Variants in TENM2 observed in about 807,000 individuals in gnomAD.
The protein encoded by TENM2 is teneurin transmembrane protein 2.
TENM2 carries 52 observed loss-of-function variants against 245.2 expected under a neutral mutation model. The observed-to-expected ratio is 0.21, with a 90% CI of 0.17 to 0.27. TENM2 has a LOEUF of 0.27. Among genes scored for constraint, TENM2 ranks in the 10% least tolerant of loss-of-function variants. TENM2 has a pLI of 1.00. For synonymous variants in TENM2, 1,363 were observed against 1,438.9 expected, an observed-to-expected ratio of 0.95 and a Z score of 1.19; for missense variants, 3,046 against 3,666.8, an observed-to-expected ratio of 0.83 and a Z score of 4.37.
chr5:167,534,663 T>C (rs1300707115), intron 2 of TENM2, among the ~76,000 whole-genome samples: 1 of 152,168 alleles, frequency 6.6e-6, no homozygotes, highest in African/African-American at 2.4e-5. Flanking sequence ...AGTGACAAGA[T>C]AAAATAATTC....
At chr5:167,907,057 AC>A (rs1364328756) in intron 3 of TENM2, among the ~76,000 whole-genome samples, 2 of 151,518 alleles carry the variant, frequency 1.3e-5, no homozygotes, top group Admixed American at 1.3e-4. Context: ...ACATGAAGAA[AC>A]CCCATCTCTA....
At chr5:167,329,106 TTA>T (rs1409176572) in intron 1 of TENM2, among the ~76,000 whole-genome samples, 1 of 152,136 alleles carries the variant, frequency 6.6e-6, no homozygotes, top group Non-Finnish European at 1.5e-5. Flanking sequence ...AGTTGTTGAG[TTA>T]TTGGCTTCAT....
At chr5:167,682,150 C>G (rs1417704809) in intron 2 of TENM2, among the ~76,000 whole-genome samples, 1 of 140,528 alleles carries the variant, frequency 7.1e-6, no homozygotes, top group Non-Finnish European at 1.6e-5. Context: ...GCCTGCGTTC[C>G]TTCCTTCCTT....
At chr5:167,337,401 A>G (rs1354720170) in intron 1 of TENM2, among the ~76,000 whole-genome samples, 2 of 152,194 alleles carry the variant, frequency 1.3e-5, no homozygotes, top group African/African-American at 4.8e-5. Flanking sequence ...CAAGAAGTAT[A>G]TAGTAACTAT....
intron 5 of TENM2, among the ~76,000 whole-genome samples, chr5:168,021,986 A>G (rs1241295574): frequency 6.6e-6 from 1 of 152,188 alleles, no homozygotes; most frequent in East Asian, 1.9e-4. Context: ...ACTGTCATCA[A>G]CTGCATTTTG....
chr5:168,248,355 G>A, exon 27 of TENM2: 2 of 1,612,758 alleles, frequency 1.2e-6, no homozygotes, highest in Non-Finnish European at 1.7e-6. Context: ...AGCTAGATTT[G>A]AAGAACTACG....
At chr5:167,929,199 A>G (rs1051106891) in intron 3 of TENM2, among the ~76,000 whole-genome samples, 1 of 148,936 alleles carries the variant, frequency 6.7e-6, no homozygotes, top group East Asian at 2.1e-4. Flanking sequence ...GGAAGGAAGG[A>G]AGGAAAAGGG....
intron 2 of TENM2, chr5:167,755,279 T>C: frequency 1.0e-6 from 1 of 964,848 alleles, no homozygotes; most frequent in Non-Finnish European, 1.6e-6. Context: ...CTTTAACCCT[T>C]CAGCGGATAC....
rs996601556 is a variant in TENM2 at position 168,244,191 on chromosome 5, C to T, written c.5521-229C>T. Among the ~76,000 whole-genome samples, 17 of 152,182 alleles carry T rather than the reference C, an allele frequency of 1.1e-4. No individual in the cohort carries two copies. Among genetic ancestry groups the T allele is most frequent in the Admixed American group, 3.9e-4 (6 of 15,278 alleles). ...ACCTCAGGTGATCCACCCACTTCAG[C>T]CTCCCACAGTGCTAGGATTACAGGC... On this transcript the variant is annotated intron_variant, in intron 25 of 28. Transcript: ENST00000518659. This position sits in a 1 kb window ranked among gnomAD's most constrained non-coding sequence, Gnocchi z 4.9.
chr5:167,514,065 G>A (rs1036604353), intron 2 of TENM2, among the ~76,000 whole-genome samples: 1 of 152,172 alleles, frequency 6.6e-6, no homozygotes, highest in Non-Finnish European at 1.5e-5. Flanking sequence ...TAGAAAGCAC[G>A]CAGTACAAAG....
chr5:167,597,368 T>C (rs1013635441), intron 2 of TENM2, among the ~76,000 whole-genome samples: 83 of 152,236 alleles, frequency 5.5e-4, no homozygotes, highest in African/African-American at 2.0e-3. Flanking sequence ...GGTTTCACCA[T>C]GTTGGCCAGG....
At chr5:168,025,054 T>C (rs1786478987) in intron 5 of TENM2, among the ~76,000 whole-genome samples, 1 of 152,194 alleles carries the variant, frequency 6.6e-6, no homozygotes, top group Non-Finnish European at 1.5e-5. Flanking sequence ...AAAAGTAACT[T>C]CTCTATGATT....
intron 1 of TENM2, among the ~76,000 whole-genome samples, chr5:167,305,604 G>A (rs1014686095): frequency 1.3e-5 from 2 of 152,172 alleles, no homozygotes; most frequent in Non-Finnish European, 2.9e-5. Flanking sequence ...ATGATTATTC[G>A]TAGAACTTTA....
chr5:167,388,533 T>C (rs1349030386), intron 2 of TENM2, among the ~76,000 whole-genome samples: 1 of 152,128 alleles, frequency 6.6e-6, no homozygotes, highest in Non-Finnish European at 1.5e-5. Context: ...GTTTTTTCTT[T>C]CTTCTGCTAG....
chr5:167,766,631 C>A (rs1344459579), intron 2 of TENM2, among the ~76,000 whole-genome samples: 2 of 152,266 alleles, frequency 1.3e-5, no homozygotes, highest in African/African-American at 4.8e-5. Flanking sequence ...AATCCCAGCA[C>A]TTTGGGAGGC....
chr5:168,195,128 CTG>C lies in TENM2; in HGVS notation c.2781-46_2781-45del, dbSNP rs765962308. 1.4e-5 allele frequency: 22 copies of C among 1,555,544 alleles called. No homozygotes were observed. The South Asian group carries it at 2.4e-4, about 17-fold the overall frequency. ...GAGCAGAGGCAGTGGGGAATTGTCT[CTG>C]TTCTCCTGCATGTGGCTCAAAGACC... On this transcript the variant is annotated intron_variant, in intron 14 of 28. Transcript: ENST00000518659.
chr5:168,111,310 G>T (rs1340624246), intron 9 of TENM2, among the ~76,000 whole-genome samples: 1 of 152,068 alleles, frequency 6.6e-6, no homozygotes, highest in African/African-American at 2.4e-5. Flanking sequence ...CCTCTGAGCC[G>T]GGGACTCTGA....
chr5:167,318,072 C>T (rs771284356), intron 1 of TENM2, among the ~76,000 whole-genome samples: 5 of 152,236 alleles, frequency 3.3e-5, no homozygotes, highest in South Asian at 2.1e-4. Flanking sequence ...ATTGCAAACC[C>T]ACAGTTCAGT....
At chr5:168,143,916 C>T (rs569479878) in intron 12 of TENM2, among the ~76,000 whole-genome samples, 2 of 138,152 alleles carry the variant, frequency 1.4e-5, no homozygotes, top group Admixed American at 8.4e-5. Context: ...GTGGCGCGAT[C>T]TCGGCTCACT....
Sources: allele counts gnomAD v4.1 joint callset (sites outside exome capture counted in the v4.1 genomes callset), GRCh38; gene constraint gnomAD v4.1.1; non-coding constraint Gnocchi (gnomAD v3.1); transcripts MANE v1.5; gene names NCBI Gene and HGNC (gene_info 2026-07-23, HGNC 2026-07-21).